The following HDAC9 variants were observed in gnomAD, a reference collection of about 807,000 sequenced individuals.
HDAC9 encodes the protein MEF-2 interacting transcription repressor (MITR) protein.
In HDAC9, 41 loss-of-function variants were observed where a neutral mutation model predicts 139.4. That is an observed-to-expected ratio of 0.29 (90% CI 0.23 to 0.38). The LOEUF is 0.38. Among genes scored for constraint, HDAC9 ranks in the 10% least tolerant of loss-of-function variants. HDAC9 has a pLI of 1.00. For missense variants in HDAC9, 1,147 were observed against 1,297.0 expected (o/e 0.88, Z 1.78); for synonymous variants, 517 against 476.2 (o/e 1.09, Z -1.12).
chr7:18,669,630 A>G (rs1018392573), intron 12 of HDAC9, among the ~76,000 whole-genome samples: 4 of 151,910 alleles, frequency 2.6e-5, no homozygotes, highest in Non-Finnish European at 5.9e-5. Context: ...CCTTTGAACT[A>G]TAAAATTACA....
At chr7:18,577,902 G>A (rs765343196) in intron 2 of HDAC9, among the ~76,000 whole-genome samples, 10 of 152,120 alleles carry the variant, frequency 6.6e-5, no homozygotes, top group Non-Finnish European at 1.5e-4. Context: ...AACATGGATA[G>A]AAAGAATGAG....
At chr7:18,904,524 C>T (rs1438410552) in intron 22 of HDAC9, among the ~76,000 whole-genome samples, 1 of 149,988 alleles carries the variant, frequency 6.7e-6, no homozygotes, top group Non-Finnish European at 1.5e-5. Context: ...TTCCTACTTG[C>T]TAGATCCTCA....
At chr7:18,729,980 G>C (rs1562889064) in intron 13 of HDAC9, among the ~76,000 whole-genome samples, 1 of 152,140 alleles carries the variant, frequency 6.6e-6, no homozygotes, top group East Asian at 1.9e-4. Context: ...TCCGCTAAAG[G>C]ATAGCTAAGT....
intron 1 of HDAC9, among the ~76,000 whole-genome samples, chr7:18,349,280 A>T (rs1455630441): frequency 1.3e-5 from 2 of 148,766 alleles, no homozygotes; most frequent in African/African-American, 2.5e-5. Context: ...ATGTCTTTCC[A>T]GATGACCTCC....
At chr7:18,735,547 A>T (rs975421441) in intron 13 of HDAC9, among the ~76,000 whole-genome samples, 1 of 152,004 alleles carries the variant, frequency 6.6e-6, no homozygotes, top group African/African-American at 2.4e-5. Context: ...ATGTTTGTAG[A>T]TGTGTGGTGT....
chr7:18,652,519 T>C (rs1173637837), intron 11 of HDAC9, among the ~76,000 whole-genome samples: 1 of 152,120 alleles, frequency 6.6e-6, no homozygotes, highest in Non-Finnish European at 1.5e-5. Flanking sequence ...TCTAGTCACT[T>C]CACTATTTGA....
At chr7:18,398,956 T>C (rs566835128) in intron 1 of HDAC9, among the ~76,000 whole-genome samples, 3 of 152,250 alleles carry the variant, frequency 2.0e-5, no homozygotes, top group Admixed American at 2.0e-4. Flanking sequence ...ATAATAGTTG[T>C]ATTTACCATA....
At chr7:18,927,252 C>T (rs977854336) in intron 22 of HDAC9, among the ~76,000 whole-genome samples, 1 of 152,128 alleles carries the variant, frequency 6.6e-6, no homozygotes, top group Non-Finnish European at 1.5e-5. Context: ...AGGAATGAAT[C>T]ACAAGTGCCT....
intron 1 of HDAC9, among the ~76,000 whole-genome samples, chr7:18,146,976 G>C (rs1456166887): frequency 6.6e-6 from 1 of 152,160 alleles, no homozygotes; most frequent in Non-Finnish European, 1.5e-5. Context: ...ACCACAAAAA[G>C]TGGATTTATT....
intron 25 of HDAC9, among the ~76,000 whole-genome samples, chr7:18,989,396 G>T (rs1404705514): frequency 6.6e-6 from 1 of 152,050 alleles, no homozygotes; most frequent in Admixed American, 6.6e-5. Context: ...CTGTCTTCTG[G>T]CTTGTAGAGT....
At chr7:18,547,470 T>C (rs995410825) in intron 2 of HDAC9, among the ~76,000 whole-genome samples, 2 of 152,138 alleles carry the variant, frequency 1.3e-5, no homozygotes, top group African/African-American at 2.4e-5. Flanking sequence ...CTCCTGACCT[T>C]GTGATCTGCC....
chr7:18,468,533 C>A (rs1335147350), intron 1 of HDAC9, among the ~76,000 whole-genome samples: 6 of 151,900 alleles, frequency 3.9e-5, no homozygotes, highest in Admixed American at 3.9e-4. Context: ...CAGCCTTGAA[C>A]TCCTGGGCTC....
chr7:18,259,624 C>G lies in HDAC9; in HGVS notation c.25+97275C>G, dbSNP rs181888587. On this transcript the variant is annotated intron_variant, in intron 2 of 12. Coordinates refer to the HDAC9 transcript ENST00000417496. Reference sequence around the variant, plus strand: ...AAGGGATTCACCTACCTCAGCCTCCCAAAGTACTGAGATTACAGGCGTGAG... The same window carrying G: ...AAGGGATTCACCTACCTCAGCCTCCGAAAGTACTGAGATTACAGGCGTGAG... 3.2e-3 allele frequency among the ~76,000 whole-genome samples: 484 copies of G among 152,250 alleles called. 4 individuals carry two copies. Among genetic ancestry groups the G allele is most frequent in the Non-Finnish European group, 4.6e-3 (312 of 68,004 alleles).
At chr7:18,322,730 G>A (rs556898494) in intron 1 of HDAC9, among the ~76,000 whole-genome samples, 7 of 152,256 alleles carry the variant, frequency 4.6e-5, no homozygotes, top group Admixed American at 3.3e-4. Context: ...ATAGTAAGCC[G>A]ACATTCGAGA....
intron 22 of HDAC9, among the ~76,000 whole-genome samples, chr7:18,921,762 T>G (rs919978160): frequency 6.6e-6 from 1 of 152,108 alleles, no homozygotes; most frequent in Non-Finnish European, 1.5e-5. Flanking sequence ...CATGCTGCTA[T>G]AAAGACACAT....
intron 23 of HDAC9, among the ~76,000 whole-genome samples, chr7:18,940,599 G>A (rs1433409551): frequency 6.6e-6 from 1 of 152,134 alleles, no homozygotes; most frequent in African/African-American, 2.4e-5. Context: ...GCTTGGAAAG[G>A]CATTAGGGAT....
At chr7:18,369,925 A>C (rs951944133) in intron 1 of HDAC9, among the ~76,000 whole-genome samples, 1 of 152,162 alleles carries the variant, frequency 6.6e-6, no homozygotes, top group Admixed American at 6.6e-5. Flanking sequence ...TTGTAAGGTC[A>C]ACTTTCTCAT....
chr7:18,761,862 G>A (rs923864695), intron 14 of HDAC9, among the ~76,000 whole-genome samples: 4 of 152,142 alleles, frequency 2.6e-5, no homozygotes, highest in African/African-American at 9.7e-5. Context: ...TTTTTAAGCT[G>A]ATACTTTACA....
chr7:18,533,158 C>T (rs1809610231), intron 2 of HDAC9, among the ~76,000 whole-genome samples: 1 of 152,190 alleles, frequency 6.6e-6, no homozygotes, highest in Non-Finnish European at 1.5e-5. Context: ...ATCGTACCCT[C>T]TATTTATCTG....
Sources: gnomAD v4.1 joint callset for allele counts (sites outside exome capture counted in the v4.1 genomes callset) on GRCh38, gnomAD v4.1.1 for gene constraint, MANE v1.5 for transcripts, NCBI Gene and HGNC (gene_info 2026-07-23, HGNC 2026-07-21) for gene names.